The following ZMYM2 variants were observed in gnomAD, a reference collection of about 807,000 sequenced individuals.
ZMYM2 encodes the protein zinc finger MYM-type protein 2.
In ZMYM2, 56 loss-of-function variants were observed where a neutral mutation model predicts 162.8. The observed-to-expected ratio is 0.34, with a 90% confidence interval of 0.28 to 0.43. ZMYM2 has a LOEUF of 0.43. ZMYM2 is among the 20% of genes least tolerant of loss of function. The probability of loss-of-function intolerance (pLI) is 1.00; values close to 1 mark genes in which losing one functional copy is unlikely to be tolerated. For missense variants in ZMYM2, 1,275 were observed against 1,621.8 expected, an observed-to-expected ratio of 0.79 and a Z score of 3.67; for synonymous variants, 510 against 541.6, an observed-to-expected ratio of 0.94 and a Z score of 0.81.
chr13:19,971,220 T>TTA (rs1956282741), intron 2 of ZMYM2, among the ~76,000 whole-genome samples: 4 of 118,284 alleles, frequency 3.4e-5, no homozygotes, highest in Non-Finnish European at 7.1e-5. Context: ...CATTTTTAGT[T>TTA]TATATATATG....
intron 3 of ZMYM2, among the ~76,000 whole-genome samples, chr13:19,998,006 C>T (rs1594263526): frequency 6.6e-6 from 1 of 152,006 alleles, no homozygotes. Context: ...TCAAAGAGAC[C>T]GTAACATAAG....
At chr13:20,018,906 C>A (rs890427677) in intron 6 of ZMYM2, among the ~76,000 whole-genome samples, 1 of 151,966 alleles carries the variant, frequency 6.6e-6, no homozygotes, top group African/African-American at 2.4e-5. Context: ...ATGGTGAAAC[C>A]CTGTCTCTAC....
intron 2 of ZMYM2, among the ~76,000 whole-genome samples, chr13:19,976,754 G>A (rs942536639): frequency 2.6e-5 from 4 of 152,296 alleles, no homozygotes; most frequent in East Asian, 1.9e-4. Context: ...CCTTTTAGAA[G>A]TCTATTGTAT....
intron 2 of ZMYM2, among the ~76,000 whole-genome samples, chr13:19,972,814 A>C (rs1473142545): frequency 2.6e-5 from 4 of 151,982 alleles, no homozygotes; most frequent in Non-Finnish European, 5.9e-5. Context: ...CATTCTTCCC[A>C]ACACTGTATA....
intron 2 of ZMYM2, among the ~76,000 whole-genome samples, chr13:19,978,364 G>A (rs949145458): frequency 2.6e-5 from 4 of 151,822 alleles, no homozygotes; most frequent in African/African-American, 9.7e-5. Context: ...TATTGTCATA[G>A]ATTACATCTG....
intron 3 of ZMYM2, among the ~76,000 whole-genome samples, chr13:19,996,096 TTCTC>T (rs1438040698): frequency 2.0e-5 from 3 of 152,208 alleles, no homozygotes; most frequent in African/African-American, 4.8e-5. Context: ...CTATCGGCGT[TTCTC>T]TCTCACATGC....
intron 15 of ZMYM2, 91 bp downstream of exon 15, chr13:20,058,795 A>T (rs1956006517): frequency 2.0e-6 from 3 of 1,514,412 alleles, no homozygotes; most frequent in Non-Finnish European, 2.7e-6. Context: ...CCTCCAGGAT[A>T]GATTCATTTG....
chr13:19,989,467 C>A (rs1300836167), intron 2 of ZMYM2, among the ~76,000 whole-genome samples: 1 of 152,078 alleles, frequency 6.6e-6, no homozygotes, highest in South Asian at 2.1e-4. Context: ...CCATGCCCAG[C>A]TAATTTTTGT....
intron 21 of ZMYM2, among the ~76,000 whole-genome samples, chr13:20,071,459 GTCT>G (rs1166472521): frequency 6.6e-6 from 1 of 152,220 alleles, no homozygotes; most frequent in Non-Finnish European, 1.5e-5. Flanking sequence ...GAGTTACAAA[GTCT>G]TCTTGGTTTT....
intron 21 of ZMYM2, among the ~76,000 whole-genome samples, chr13:20,074,910 T>C (rs1957379363): frequency 6.6e-6 from 1 of 152,212 alleles, no homozygotes; most frequent in Non-Finnish European, 1.5e-5. Flanking sequence ...ACTACTAAAC[T>C]GCACATTTAA....
At chr13:20,049,825 T>G (rs1433964256) in intron 12 of ZMYM2, among the ~76,000 whole-genome samples, 1 of 152,050 alleles carries the variant, frequency 6.6e-6, no homozygotes, top group African/African-American at 2.4e-5. Flanking sequence ...AGGCTGTAAC[T>G]CTACTTTTGG....
chr13:19,915,618 C>T, the ZMYM2 span, among the ~76,000 whole-genome samples: 4 of 151,896 alleles, frequency 2.6e-5, no homozygotes, highest in Non-Finnish European at 5.9e-5. Flanking sequence ...ATTCTCCCTC[C>T]TCAACCTCCC....
chr13:20,033,456 A>G (rs1953388657), intron 10 of ZMYM2, among the ~76,000 whole-genome samples: 1 of 152,164 alleles, frequency 6.6e-6, no homozygotes, highest in African/African-American at 2.4e-5. Context: ...CCTTCTATAA[A>G]TTACATAGTC....
At chr13:19,931,152 ATAAT>A in the ZMYM2 span, among the ~76,000 whole-genome samples, 10 of 138,450 alleles carry the variant, frequency 7.2e-5, no homozygotes, top group African/African-American at 2.4e-4. Flanking sequence ...AAAAAAAATA[ATAAT>A]AATAATAATA....
the ZMYM2 span, among the ~76,000 whole-genome samples, chr13:19,948,210 T>A: frequency 2.8e-4 from 42 of 152,146 alleles, no homozygotes; most frequent in Non-Finnish European, 4.7e-4. Flanking sequence ...AAACTAAACA[T>A]ACTCCTACCA....
At chr13:19,890,522 A>AAAAAAAAAAAAAAAAAAAAAAAAAAG in the ZMYM2 span, among the ~76,000 whole-genome samples, 1 of 148,230 alleles carries the variant, frequency 6.7e-6, no homozygotes, top group African/African-American at 2.5e-5. Flanking sequence ...AAAAAAAAAA[A>AAAAAAAAAAAAAAAAAAAAAAAAAAG]GTTGGGAAAA....
chr13:19,880,431 T>TA, the ZMYM2 span, among the ~76,000 whole-genome samples: 4 of 146,744 alleles, frequency 2.7e-5, no homozygotes, highest in African/African-American at 1.1e-4. Context: ...TGTAACTGAA[T>TA]TTTTTTTCTT....
the ZMYM2 span, among the ~76,000 whole-genome samples, chr13:19,921,430 G>A: frequency 6.6e-6 from 1 of 151,952 alleles, no homozygotes; most frequent in Non-Finnish European, 1.5e-5. Flanking sequence ...GTGAACCACG[G>A]CGCCCAAACT....
intron 14 of ZMYM2, among the ~76,000 whole-genome samples, chr13:20,056,680 G>A (rs971905493): frequency 1.3e-5 from 2 of 152,118 alleles, no homozygotes; most frequent in Non-Finnish European, 2.9e-5. Flanking sequence ...AGGTGTTAAA[G>A]AAATTATAAA....
Sources: gnomAD v4.1 joint callset for allele counts (sites outside exome capture counted in the v4.1 genomes callset) on GRCh38, gnomAD v4.1.1 for gene constraint, MANE v1.5 for transcripts, NCBI Gene and HGNC (gene_info 2026-07-23, HGNC 2026-07-21) for gene names.